ENTPD1: variants seen among roughly 807,000 people sequenced by gnomAD.
ENTPD1 encodes ectonucleoside triphosphate diphosphohydrolase 1, also known as ATP diphosphohydrolase.
A neutral mutation model predicts 57.0 loss-of-function variants in ENTPD1; 33 were observed. That is an observed-to-expected ratio of 0.58 (90% CI 0.44 to 0.77). ENTPD1 has a LOEUF of 0.77. ENTPD1 is among the 30% of genes least tolerant of loss of function. The probability of loss-of-function intolerance (pLI) is 0.00; values close to 1 mark genes in which losing one functional copy is unlikely to be tolerated. For synonymous variants in ENTPD1, 202 were observed against 218.8 expected (o/e 0.92, Z 0.68); for missense variants, 501 against 603.4 (o/e 0.83, Z 1.78).
At chr10:95,842,568 A>T in intron 4 of ENTPD1, 74 bp downstream of exon 4, 2 of 1,547,530 alleles carry the variant, frequency 1.3e-6, no homozygotes, top group Admixed American at 3.8e-5. Flanking sequence ...AAGTTATGGG[A>T]AAGGGCCACA....
intron 1 of ENTPD1, among the ~76,000 whole-genome samples, chr10:95,730,639 A>T (rs1032020919): frequency 6.6e-6 from 1 of 152,242 alleles, no homozygotes; most frequent in African/African-American, 2.4e-5. Flanking sequence ...AAATAATTGT[A>T]AGTAAATATG....
intron 8 of ENTPD1, among the ~76,000 whole-genome samples, chr10:95,860,900 T>C (rs1350431200): frequency 2.6e-5 from 4 of 152,238 alleles, no homozygotes; most frequent in Non-Finnish European, 4.4e-5. Flanking sequence ...TGTTTCTTCA[T>C]GGACACAAGA....
chr10:95,821,132 A>G (rs1162848494), intron 1 of ENTPD1, among the ~76,000 whole-genome samples: 1 of 152,230 alleles, frequency 6.6e-6, no homozygotes, highest in Non-Finnish European at 1.5e-5. Flanking sequence ...CAACATCACA[A>G]CGTTGGGAAC....
At chr10:95,848,116 C>G (rs551894952) in intron 7 of ENTPD1, among the ~76,000 whole-genome samples, 1 of 152,282 alleles carries the variant, frequency 6.6e-6, no homozygotes, top group African/African-American at 2.4e-5. Context: ...GGACAGACCT[C>G]CTACAGCCAT....
rs1198864104 is a variant in ENTPD1, at chr10:95,871,856, G to C, written c.*5473G>C. On this transcript the variant is annotated 3_prime_UTR_variant, in exon 10 of 10. Coordinates refer to ENST00000371205, the MANE Select transcript of ENTPD1 (RefSeq NM_001776.6). ...TGGTAAGTAAGATACTCTCATCTAA[G>C]AAATAACATCACCTCTTCTAATGAA... 1 of 985,250 alleles carries C rather than the reference G, an allele frequency of 1.0e-6. No homozygotes were observed. Among genetic ancestry groups the C allele is most frequent in the Non-Finnish European group, 1.2e-6 (1 of 829,910 alleles). 61.0% of individuals were successfully genotyped at this position (985,250 alleles called of 1,614,324 possible). A position where few individuals can be genotyped will look rare whatever the true frequency, so the allele number is the denominator to read the frequency against.
At chr10:95,756,602 G>T in intron 1 of ENTPD1, 1 of 293,654 alleles carries the variant, frequency 3.4e-6, no homozygotes, top group Non-Finnish European at 6.4e-6. Context: ...GACTCATCTA[G>T]CCTCGGGTCT....
the ENTPD1 span, among the ~76,000 whole-genome samples, chr10:95,703,055 G>C: frequency 6.6e-6 from 1 of 151,928 alleles, no homozygotes; most frequent in Non-Finnish European, 1.5e-5. Flanking sequence ...AAAGTGCTGG[G>C]ATTACAGGTG....
chr10:95,754,133 A>AC (rs1268810196), upstream of ENTPD1: 1 of 151,944 alleles, frequency 6.6e-6, no homozygotes, highest in East Asian at 1.9e-4. Context: ...ACATGGTGAA[A>AC]CCCCATCTCT....
chr10:95,784,565 C>CCAGAGACCAAT (rs1337911436), intron 1 of ENTPD1, among the ~76,000 whole-genome samples: 1 of 152,172 alleles, frequency 6.6e-6, no homozygotes, highest in African/African-American at 2.4e-5. Context: ...AGTAGCAGTT[C>CCAGAGACCAAT]CAGAGACCAA....
intron 1 of ENTPD1, among the ~76,000 whole-genome samples, chr10:95,794,079 T>C (rs1247409072): frequency 6.6e-6 from 1 of 152,332 alleles, no homozygotes; most frequent in East Asian, 1.9e-4. Context: ...TTTGGAGACA[T>C]AGCTTTTAGT....
upstream of ENTPD1, among the ~76,000 whole-genome samples, chr10:95,709,007 C>A (rs1325366324): frequency 6.6e-6 from 1 of 152,182 alleles, no homozygotes; most frequent in Non-Finnish European, 1.5e-5. Context: ...CCTGTAGAAT[C>A]ATTGTCATCA....
chr10:95,724,868 G>T (rs1490319902), intron 1 of ENTPD1, among the ~76,000 whole-genome samples: 1 of 152,206 alleles, frequency 6.6e-6, no homozygotes, highest in Non-Finnish European at 1.5e-5. Flanking sequence ...AAAGGGGGTT[G>T]CCCAGGTTAA....
At chr10:95,718,234 C>A (rs1009399018) in intron 1 of ENTPD1, among the ~76,000 whole-genome samples, 1 of 152,076 alleles carries the variant, frequency 6.6e-6, no homozygotes, top group South Asian at 2.1e-4. Context: ...TTTCCTTCTT[C>A]GGTGGCTAGC....
intron 1 of ENTPD1, among the ~76,000 whole-genome samples, chr10:95,734,270 C>G (rs1356247041): frequency 6.6e-6 from 1 of 152,150 alleles, no homozygotes; most frequent in African/African-American, 2.4e-5. Context: ...CCAGTAATGA[C>G]AGATTGAGTT....
rs1031901861 is a variant in ENTPD1, at chr10:95,783,467, C to T, written c.16+27212C>T. Among the ~76,000 whole-genome samples, 7 of 152,118 alleles carry T rather than the reference C, an allele frequency of 4.6e-5. No homozygotes were observed. In the East Asian group the frequency reaches 5.8e-4, roughly 13 times the overall value. The stretch of plus-strand genomic sequence containing the variant: ...TCTTGACTAAACTTCAGAGCAAACA[C>T]GCACTCTTTTCTTTGCTACTCTCTT... On this transcript the variant is annotated intron_variant, in intron 1 of 9. Transcript: ENST00000371205.
chr10:95,707,210 C>T (rs2139795593), upstream of ENTPD1, among the ~76,000 whole-genome samples: 1 of 152,288 alleles, frequency 6.6e-6, no homozygotes, highest in South Asian at 2.1e-4. Context: ...GCAGATCCTG[C>T]CTGCTCCTGG....
chr10:95,820,794 T>A (rs1211210853), intron 1 of ENTPD1, among the ~76,000 whole-genome samples: 1 of 152,254 alleles, frequency 6.6e-6, no homozygotes, highest in Non-Finnish European at 1.5e-5. Flanking sequence ...TATGTGCTTC[T>A]TTTCTGGTTT....
rs2098437120 is a variant in ENTPD1 at position 95,847,038 on chromosome 10, A to G, written c.814-408A>G. 2.6e-5 allele frequency among the ~76,000 whole-genome samples: 4 copies of G among 152,166 alleles called. No individual in the cohort carries two copies. In the South Asian group the frequency reaches 8.3e-4, roughly 32 times the overall value. ...ATAGGAGAATGCTTGAAGAAGAAAA[A>G]AAATTTTTTTAATAATTTTTAAATT... On this transcript the variant is annotated intron_variant, in intron 6 of 9. Transcript: ENST00000371205.
At chr10:95,779,860 A>C (rs1683122378) in intron 1 of ENTPD1, among the ~76,000 whole-genome samples, 1 of 152,206 alleles carries the variant, frequency 6.6e-6, no homozygotes, top group African/African-American at 2.4e-5. Context: ...TTCAGGCACC[A>C]TGTTAAGCAC....
Sources: allele counts gnomAD v4.1 joint callset (sites outside exome capture counted in the v4.1 genomes callset), GRCh38; gene constraint gnomAD v4.1.1; transcripts MANE v1.5; gene names NCBI Gene and HGNC (gene_info 2026-07-23, HGNC 2026-07-21).